The following ABCC12 variants were observed in gnomAD, a reference collection of about 807,000 sequenced individuals.
ABCC12 encodes the protein ATP binding cassette subfamily C member 12.
ABCC12 carries 142 observed loss-of-function variants against 151.1 expected under a neutral mutation model. The ratio of observed to expected loss-of-function variants is 0.94; its 90% CI spans 0.82 to 1.08. The LOEUF is 1.08. Among genes scored for constraint, ABCC12 ranks in the 50% least tolerant of loss-of-function variants. The pLI, the probability that ABCC12 is intolerant of heterozygous loss-of-function variation, is 0.00. For missense variants in ABCC12, 1,638 were observed against 1,691.1 expected, an observed-to-expected ratio of 0.97 and a Z score of 0.55; for synonymous variants, 645 against 646.4, an observed-to-expected ratio of 1.00 and a Z score of 0.03.
In ABCC12 at chr16:48,096,771, C is replaced by T. The variant is rs761011793; in HGVS notation, c.3170G>A (p.Gly1057Asp). Residue 1057 changes from glycine to aspartate, a missense_variant, in exon 24 of 31, where the codon GGC becomes GAC. By Grantham distance (94) the Gly-to-Asp change is moderately conservative. Coordinates refer to ENST00000311303, the MANE Select transcript of ABCC12 (RefSeq NM_001393797.1). ...SFSSISTSSKGLSLSYIIQLS... is the reference protein window; with the variant it reads ...SFSSISTSSKDLSLSYIIQLS... ...CTGGATGATGTATGACAATGACAGG[C>T]CTTTGGATGAAGTACTGATGGAGGA... 8.7e-6 allele frequency: 14 copies of T among 1,613,960 alleles called. No individual in the cohort carries two copies. The South Asian group carries it at 1.4e-4, about 16-fold the overall frequency.
chr16:48,155,195 G>T (rs1965168438), intron 1 of ABCC12, among the ~76,000 whole-genome samples: 1 of 152,120 alleles, frequency 6.6e-6, no homozygotes, highest in Admixed American at 6.5e-5. Flanking sequence ...GGAAGTGGGG[G>T]TGCTTTTGCT....
chr16:48,111,823 C>G lies in ABCC12; in HGVS notation c.2077G>C (p.Gly693Arg), dbSNP rs778950214. ...TTGTGAATCAGTTTTGCATAGCGCC[C>G]TCTCTCCTCCATTAACTCCTTGTGG... is the stretch of plus-strand genomic sequence containing the variant. Reference protein sequence around the residue: ...GTHKELMEERGRYAKLIHNLR... With the variant: ...GTHKELMEERRRYAKLIHNLR... Residue 693 changes from glycine (G) to arginine (R), a missense_variant, in exon 16 of 31, where the codon GGG becomes CGG. Physicochemically the swap from Gly to Arg is moderately radical, Grantham distance 125. Coordinates refer to ENST00000311303, the MANE Select transcript of ABCC12 (RefSeq NM_001393797.1). 2.0e-5 allele frequency: 32 copies of G among 1,614,066 alleles called. No homozygotes were observed. The highest frequency in any genetic ancestry group is 2.1e-5 in the Non-Finnish European group (25 of 1,180,034).
chr16:48,092,627 G>T (rs1297806754), intron 24 of ABCC12, among the ~76,000 whole-genome samples: 1 of 152,132 alleles, frequency 6.6e-6, no homozygotes, highest in African/African-American at 2.4e-5. Context: ...ACTGGTTGGG[G>T]TGCCGGTTTC....
chr16:48,088,756 G>A (rs1962747619), intron 25 of ABCC12, 22 bp from the exon 26 acceptor site: 2 of 1,581,262 alleles, frequency 1.3e-6, no homozygotes, highest in Non-Finnish European at 1.7e-6. Flanking sequence ...AATAACCAAT[G>A]ACCAGTGACT....
Position 48,146,177 on chromosome 16 carries a change from C to A in ABCC12, c.119+129G>T, listed in dbSNP as rs1596632392. The A allele has an allele frequency of 6.3e-6, 5 of 789,540 alleles. No individual in the cohort carries two copies. The East Asian group carries it at 1.2e-4, about 19-fold the overall frequency. The allele number at this position is 789,540 out of a possible 1,614,324, so 48.9% of individuals were successfully genotyped here. A position where few individuals can be genotyped will look rare whatever the true frequency, so the allele number is the denominator to read the frequency against. On this transcript the variant is annotated intron_variant, in intron 3 of 30. Transcript: ENST00000311303. ...TGACTGATAAATGAATGAACGTGTG[C>A]ATGGGTGGACGGACAAAAGGACGAG...
Position 48,138,271 on chromosome 16 carries a change from G to C in ABCC12, c.936C>G (p.Ile312Met). ...AAGATTTCTCCCAGGCATACATTTT[G>C]ATCAGCCTGATGCAGGTCAGAAACT... is the stretch of plus-strand genomic sequence containing the variant. ...MNEFLTCIRL[I>M]KMYAWEKSFT... The change falls in exon 8 of 31, where the codon ATC becomes ATG. Residue 312 changes from isoleucine to methionine, a missense_variant. Physicochemically the swap from Ile to Met is conservative, Grantham distance 10. Transcript: ENST00000311303. 6.2e-7 allele frequency: 1 copy of C among 1,612,638 alleles called. No homozygotes were observed. The highest frequency in any genetic ancestry group is 8.5e-7 in the Non-Finnish European group (1 of 1,178,844).
At chr16:48,115,663 AAGTTCTTGGGCAATG>A in intron 14 of ABCC12, 45 bp from the exon 15 acceptor site, 1 of 1,565,758 alleles carries the variant, frequency 6.4e-7, no homozygotes, top group Non-Finnish European at 8.7e-7. Flanking sequence ...GCCCACCCTG[AAGTTCTTGGGCAATG>A]GAAGCTTCCT....
chr16:48,144,473 TTCC>T (rs1269418540), intron 3 of ABCC12, among the ~76,000 whole-genome samples: 1 of 151,860 alleles, frequency 6.6e-6, no homozygotes, highest in Non-Finnish European at 1.5e-5. Context: ...TCTCCTCTTC[TTCC>T]TCCTCCTCCT....
Position 48,111,489 on chromosome 16 carries a change from T to C in ABCC12, c.2228A>G (p.Glu743Gly). 1 of 1,614,198 alleles carries C rather than the reference T, an allele frequency of 6.2e-7. No homozygotes were observed. The highest frequency in any genetic ancestry group is 8.5e-7 in the Non-Finnish European group (1 of 1,180,032). Residue 743 changes from glutamate (E) to glycine (G), a missense_variant, in exon 18 of 31, where the codon GAG becomes GGG. Physicochemically the swap from Glu to Gly is moderately conservative, Grantham distance 98 (BLOSUM62 -2). Coordinates refer to ENST00000311303, the MANE Select transcript of ABCC12 (RefSeq NM_001393797.1). ...TTCAGATTCTTTTCCTTCATCTTTCTCATTTCCTGGAGCCAAAACTAGGGT... is the reference window on the plus strand; with the variant it reads ...TTCAGATTCTTTTCCTTCATCTTTCCCATTTCCTGGAGCCAAAACTAGGGT... ...AGIIVLAPGN[E>G]KDEGKESETG...
At chr16:48,086,220 T>G in intron 28 of ABCC12, 1 of 172,066 alleles carries the variant, frequency 5.8e-6, no homozygotes, top group Non-Finnish European at 1.3e-5. Context: ...GCTGTAGCTC[T>G]TATAGGACAG....
At position 48,090,152 on chromosome 16, in the gene ABCC12, G is replaced by T. The variant is rs138168901; in HGVS notation, c.3285+968C>A. Among the ~76,000 whole-genome samples, 223 of 152,258 alleles carry T rather than the reference G, an allele frequency of 1.5e-3. 1 individual carries two copies. The highest frequency in any genetic ancestry group is 5.0e-3 in the African/African-American group (206 of 41,558). On this transcript the variant is annotated intron_variant, in intron 25 of 30. Coordinates refer to ENST00000311303, the MANE Select transcript of ABCC12 (RefSeq NM_001393797.1). ...AAAGAATAGCAAGATTTGTAAGTTG[G>T]ATATAAAAGCTTTTAAAGAAGAGTT...
intron 5 of ABCC12, 28 bp from the exon 6 acceptor site, chr16:48,140,948 G>C: frequency 6.3e-7 from 1 of 1,588,990 alleles, no homozygotes; most frequent in Admixed American, 1.7e-5. Context: ...GGGGAGAAGA[G>C]AGGGCCACTG....
chr16:48,110,503 T>G (rs1049267699), intron 18 of ABCC12, among the ~76,000 whole-genome samples: 1 of 152,170 alleles, frequency 6.6e-6, no homozygotes, highest in African/African-American at 2.4e-5. Flanking sequence ...GTGTCCAGCA[T>G]GGGGCAAGGG....
At chr16:48,149,244 C>CAAAAA (rs1175912271) in intron 2 of ABCC12, among the ~76,000 whole-genome samples, 5 of 65,034 alleles carry the variant, frequency 7.7e-5, no homozygotes, top group Admixed American at 3.2e-4. Context: ...GTAGATTAAC[C>CAAAAA]AAAAAAAAAA....
intron 2 of ABCC12, 79 bp downstream of exon 2, chr16:48,153,537 G>T (rs532697885): frequency 6.6e-6 from 1 of 152,374 alleles, no homozygotes; most frequent in Non-Finnish European, 1.5e-5. Flanking sequence ...CCACCCAGTG[G>T]CTAGTCCTCT....
chr16:48,104,078 T>A, intron 22 of ABCC12, 64 bp downstream of exon 22: 1 of 1,518,224 alleles, frequency 6.6e-7, no homozygotes, highest in African/African-American at 1.4e-5. Flanking sequence ...ATGCTCAATA[T>A]CACCTGATAC....
At chr16:48,141,384 A>G (rs759188982) in intron 4 of ABCC12, 31 bp from the exon 5 acceptor site, 2 of 1,612,744 alleles carry the variant, frequency 1.2e-6, no homozygotes, top group African/African-American at 2.7e-5. Flanking sequence ...CATAAAATGG[A>G]TTGGCACTTC....
chr16:48,127,997 T>C (rs13334423), intron 11 of ABCC12, among the ~76,000 whole-genome samples: 4,961 of 152,256 alleles, frequency 0.033, 240 homozygotes, highest in African/African-American at 0.11. Flanking sequence ...TATATGCTTG[T>C]AGTACCAGCT....
chr16:48,088,173 G>T, intron 26 of ABCC12, 88 bp from the exon 27 acceptor site: 1 of 1,440,308 alleles, frequency 6.9e-7, no homozygotes, highest in Non-Finnish European at 9.5e-7. Context: ...GATTTTTAAT[G>T]CAATGCAAAT....
Sources: gnomAD v4.1 joint callset for allele counts (sites outside exome capture counted in the v4.1 genomes callset) on GRCh38, gnomAD v4.1.1 for gene constraint, MANE v1.5 for transcripts, NCBI Gene and HGNC (gene_info 2026-07-23, HGNC 2026-07-21) for gene names.